NDUFA11: variants seen among roughly 807,000 people sequenced by gnomAD.
The protein encoded by NDUFA11 is NADH:ubiquinone oxidoreductase subunit A11, also known as NADH dehydrogenase [ubiquinone] 1 alpha subcomplex subunit 11.
A neutral mutation model predicts 11.3 loss-of-function variants in NDUFA11; 14 were observed. The observed-to-expected ratio is 1.24, with a 90% CI of 0.82 to 1.94. NDUFA11 has a LOEUF of 1.94. Ranked by LOEUF, NDUFA11 falls within the 30% of genes most tolerant of loss-of-function variation. NDUFA11 has a pLI of 0.00. For missense variants in NDUFA11, 204 were observed against 200.3 expected, an observed-to-expected ratio of 1.02 and a Z score of -0.11; for synonymous variants, 87 against 85.6, an observed-to-expected ratio of 1.02 and a Z score of -0.09.
chr19:5,903,609 C>A lies in NDUFA11; in HGVS notation c.97+3G>T, dbSNP rs2057659547. On this transcript the variant is annotated splice_donor_region_variant and intron_variant, in intron 1 of 3. Coordinates refer to ENST00000308961, the MANE Select transcript of NDUFA11 (RefSeq NM_175614.5). ...CCACCCTCGGGGCCCGGCCGGCGCTCACCAGCGACGCTGGCAATACTGGTG... is the reference window on the plus strand; with the variant it reads ...CCACCCTCGGGGCCCGGCCGGCGCTAACCAGCGACGCTGGCAATACTGGTG... 1.9e-6 allele frequency: 3 copies of A among 1,550,154 alleles called. No individual in the cohort carries two copies. The highest frequency in any genetic ancestry group is 1.2e-5 in the South Asian group (1 of 84,056).
At chr19:5,894,634 G>C (rs12975210), downstream of NDUFA11, 114,816 of 1,543,154 alleles carry the variant, frequency 0.074, 4,761 homozygotes, top group Middle Eastern at 0.088. Context: ...CGCCCTCACC[G>C]GCTGCTGTGT....
downstream of NDUFA11, among the ~76,000 whole-genome samples, chr19:5,893,823 G>A (rs534011409): frequency 1.1e-4 from 16 of 152,184 alleles, no homozygotes; most frequent in South Asian, 1.4e-3. The surrounding 1 kb of genome is among the most constrained non-coding windows in gnomAD (Gnocchi z 4.1). Context: ...GGCCGGATAC[G>A]GGTCAGGAGG....
Position 5,899,618 on chromosome 19 carries a change from T to C in NDUFA11, c.98-2621A>G, listed in dbSNP as rs558106086. ...GGCGCCTGCCACCATGCCCAGCTAA[T>C]TATTATTATTATTATTTTTTGTATT... On this transcript the variant is annotated intron_variant, in intron 1 of 3. Transcript: ENST00000308961. 3.7e-3 allele frequency among the ~76,000 whole-genome samples: 272 copies of C among 73,840 alleles called. 1 individual carries two copies. The highest frequency in any genetic ancestry group is 0.012 in the African/African-American group (241 of 19,386). 48.4% of individuals were successfully genotyped at this position (73,840 alleles called of 152,430 possible).
At chr19:5,899,808 G>A (rs2057633792) in intron 1 of NDUFA11, 1 of 151,970 alleles carries the variant, frequency 6.6e-6, no homozygotes, top group East Asian at 1.9e-4. Context: ...CCCTGCCTGG[G>A]ACCTGAAAAG....
Position 5,896,517 on chromosome 19 carries a change from C to T in NDUFA11, c.249G>A (p.Lys83=). 6.4e-7 allele frequency: 1 copy of T among 1,571,068 alleles called. No individual in the cohort carries two copies. The highest frequency in any genetic ancestry group is 8.6e-7 in the Non-Finnish European group (1 of 1,158,546). The change falls in exon 3 of 4, where the codon AAG becomes AAA. Residue 83 remains lysine (K), a synonymous_variant. Transcript: ENST00000308961. This position sits in a 1 kb window ranked among gnomAD's most constrained non-coding sequence, Gnocchi z 5.8. ...GGAAGTAGTTCAGGGGGTCGTCGGG[C>T]TTCTCGCGGACATGGGCGCTGATGC... ...TTCISAHVRE[K]PDDPLNYFLG...
At chr19:5,895,155 A>G (rs998088181) in intron 3 of NDUFA11, 5 of 427,148 alleles carry the variant, frequency 1.2e-5, no homozygotes, top group African/African-American at 7.9e-5. Flanking sequence ...GGCTGGGGCA[A>G]GGCTGGGCAC....
At chr19:5,891,603 G>C (rs867415440), downstream of NDUFA11, 2 of 152,336 alleles carry the variant, frequency 1.3e-5, no homozygotes, top group African/African-American at 4.8e-5. Context: ...GTGTCTCCAG[G>C]GATGGATTCT....
At chr19:5,893,085 G>A, downstream of NDUFA11, 3 of 1,536,132 alleles carry the variant, frequency 2.0e-6, no homozygotes, top group Non-Finnish European at 2.6e-6. This position sits in a 1 kb window ranked among gnomAD's most constrained non-coding sequence, Gnocchi z 4.1. Flanking sequence ...CTGAGCTGTT[G>A]CATGCCCCCC....
intron 1 of NDUFA11, among the ~76,000 whole-genome samples, chr19:5,897,919 G>A (rs768340090): frequency 2.2e-4 from 34 of 152,282 alleles, no homozygotes; most frequent in South Asian, 6.2e-4. Context: ...AGCCCGAGCC[G>A]GGGCTCCCCA....
downstream of NDUFA11, chr19:5,894,539 T>C (rs994874078): frequency 9.2e-6 from 10 of 1,088,940 alleles, no homozygotes; most frequent in South Asian, 4.4e-5. Flanking sequence ...GCCAGGCTGG[T>C]ACCCTTGGCA....
intron 1 of NDUFA11, among the ~76,000 whole-genome samples, chr19:5,903,010 C>CAAA (rs545310981): frequency 0.012 from 1,285 of 103,892 alleles, 48 homozygotes; most frequent in African/African-American, 0.041. Context: ...GGCTCTGTCT[C>CAAA]AAAAAAAAAA....
chr19:5,892,876 C>A, downstream of NDUFA11: 2 of 1,408,736 alleles, frequency 1.4e-6, no homozygotes, highest in Non-Finnish European at 1.8e-6. Flanking sequence ...AAAGCTGAGG[C>A]CTGGGTGCTG....
intron 1 of NDUFA11, among the ~76,000 whole-genome samples, chr19:5,897,894 T>C (rs1319966674): frequency 3.3e-5 from 5 of 152,072 alleles, no homozygotes; most frequent in Non-Finnish European, 7.4e-5. Context: ...CTATGGTGGA[T>C]GGGCAGATTG....
chr19:5,902,069 G>A (rs1033621048), intron 1 of NDUFA11, among the ~76,000 whole-genome samples: 1 of 151,406 alleles, frequency 6.6e-6, no homozygotes, highest in Non-Finnish European at 1.5e-5. Flanking sequence ...TCTGCCTCCT[G>A]GATTCACGCC....
chr19:5,899,368 C>T (rs2057630599), intron 1 of NDUFA11, among the ~76,000 whole-genome samples: 1 of 150,396 alleles, frequency 6.6e-6, no homozygotes, highest in South Asian at 2.1e-4. Flanking sequence ...CCAGGATGGT[C>T]TCCATCTCCT....
chr19:5,891,521 A>C (rs1002341218), downstream of NDUFA11: 1 of 152,050 alleles, frequency 6.6e-6, no homozygotes, highest in African/African-American at 2.4e-5. Flanking sequence ...CTCCCAAAGT[A>C]CTGGGATTAC....
chr19:5,891,255 G>A (rs976237865), downstream of NDUFA11: 9 of 148,704 alleles, frequency 6.1e-5, no homozygotes, highest in East Asian at 4.1e-4. Flanking sequence ...CCAGGCCAGC[G>A]TTATTTATTT....
chr19:5,902,896 A>G (rs149000958), intron 1 of NDUFA11, among the ~76,000 whole-genome samples: 126 of 151,784 alleles, frequency 8.3e-4, no homozygotes, highest in Non-Finnish European at 1.4e-3. Flanking sequence ...CCGTAATCCC[A>G]GCTACTTGGG....
At chr19:5,892,892 C>T (rs145327463), downstream of NDUFA11, 308 of 1,419,508 alleles carry the variant, frequency 2.2e-4, 2 homozygotes, top group East Asian at 7.7e-3. Flanking sequence ...TGCTGCCGTC[C>T]TCTGAGGACA....
Sources: gnomAD v4.1 joint callset for allele counts (sites outside exome capture counted in the v4.1 genomes callset) on GRCh38, gnomAD v4.1.1 for gene constraint, Gnocchi (gnomAD v3.1) non-coding constraint, MANE v1.5 for transcripts, NCBI Gene and HGNC (gene_info 2026-07-23, HGNC 2026-07-21) for gene names.